Variants in GPHN observed in about 807,000 individuals in gnomAD.
The protein encoded by GPHN is gephyrin.
A neutral mutation model predicts 95.5 loss-of-function variants in GPHN; 17 were observed. That is an observed-to-expected ratio of 0.18 (90% CI 0.12 to 0.27). The LOEUF (loss-of-function observed/expected upper bound fraction) is 0.27, where lower values mean the gene tolerates loss of function less well. Ranked by LOEUF, GPHN falls within the 10% of genes least tolerant of loss-of-function variation. GPHN has a pLI of 1.00. For synonymous variants in GPHN, 320 were observed against 322.5 expected, an observed-to-expected ratio of 0.99 and a Z score of 0.08; for missense variants, 660 against 978.1, an observed-to-expected ratio of 0.67 and a Z score of 4.34.
At chr14:67,220,717 A>G in the GPHN span, among the ~76,000 whole-genome samples, 1 of 151,994 alleles carries the variant, frequency 6.6e-6, no homozygotes, top group Non-Finnish European at 1.5e-5. Context: ...ATTTGCATCT[A>G]TTTTTCAAGG....
At chr14:67,621,306 TA>T in the GPHN span, among the ~76,000 whole-genome samples, 1 of 152,188 alleles carries the variant, frequency 6.6e-6, no homozygotes, top group Non-Finnish European at 1.5e-5. Context: ...TTGAGATGCT[TA>T]TGATTTATCA....
At chr14:67,547,414 A>G in the GPHN span, among the ~76,000 whole-genome samples, 1 of 152,248 alleles carries the variant, frequency 6.6e-6, no homozygotes, top group South Asian at 2.1e-4. Flanking sequence ...TTTCCCTAGC[A>G]GAGCCAAGAC....
intron 9 of GPHN, 47 bp downstream of exon 9, chr14:66,965,372 C>T (rs751163710): frequency 3.3e-5 from 51 of 1,546,156 alleles, no homozygotes; most frequent in Non-Finnish European, 3.1e-5. Context: ...CTATAGTAAT[C>T]TGGGAAAACT....
chr14:67,260,614 G>A, the GPHN span, among the ~76,000 whole-genome samples: 1 of 152,098 alleles, frequency 6.6e-6, no homozygotes, highest in Non-Finnish European at 1.5e-5. Context: ...GATACTTGAT[G>A]GAAGAGGAAA....
At chr14:66,652,740 G>C (rs1025438909) in intron 1 of GPHN, among the ~76,000 whole-genome samples, 1 of 152,116 alleles carries the variant, frequency 6.6e-6, no homozygotes, top group Admixed American at 6.5e-5. Context: ...TCATGCAGGG[G>C]CCTTGTGAGC....
At position 67,144,248 on chromosome 14, in the gene GPHN, AAAATATATAT is replaced by A. The variant is rs1162858411; in HGVS notation, c.1836+801_1836+810del. 2.6e-3 allele frequency among the ~76,000 whole-genome samples: 164 copies of A among 62,594 alleles called. 10 individuals carry two copies. The highest frequency in any genetic ancestry group is 0.011 in the African/African-American group (144 of 12,676). 41.1% of individuals were successfully genotyped at this position (62,594 alleles called of 152,430 possible). A position where few individuals can be genotyped will look rare whatever the true frequency, so the allele number is the denominator to read the frequency against. Reference sequence around the variant, plus strand: ...CAAGACCCTGTCTTAAAAAAAAAAAAAAATATATATATATATATATATATATATATATATA... The same window carrying A: ...CAAGACCCTGTCTTAAAAAAAAAAAAATATATATATATATATATATATATA... On this transcript the variant is annotated intron_variant, in intron 18 of 22. Transcript: ENST00000478722.
the GPHN span, among the ~76,000 whole-genome samples, chr14:67,444,202 G>A: frequency 9.9e-5 from 15 of 152,218 alleles, no homozygotes; most frequent in East Asian, 2.5e-3. Context: ...GCTGTGCCCC[G>A]ACCACCTTGA....
chr14:66,672,682 T>A (rs1484057604), intron 1 of GPHN, among the ~76,000 whole-genome samples: 1 of 152,356 alleles, frequency 6.6e-6, no homozygotes, highest in South Asian at 2.1e-4. Context: ...CTGAAAACTT[T>A]TCTTGCTTTG....
intron 9 of GPHN, among the ~76,000 whole-genome samples, chr14:67,008,181 G>C (rs377440848): frequency 6.6e-6 from 1 of 152,240 alleles, no homozygotes; most frequent in Non-Finnish European, 1.5e-5. Flanking sequence ...TCGACCAGGC[G>C]TGGTGGCTCA....
chr14:66,913,336 TTTTTG>T (rs1159749295), intron 5 of GPHN, among the ~76,000 whole-genome samples: 2 of 151,912 alleles, frequency 1.3e-5, no homozygotes, highest in Non-Finnish European at 2.9e-5. Context: ...TTCTTTTTGA[TTTTTG>T]TTTTGTTTTG....
chr14:66,683,204 C>T (rs143711261), intron 2 of GPHN, among the ~76,000 whole-genome samples: 2,540 of 150,022 alleles, frequency 0.017, 23 homozygotes, highest in Non-Finnish European at 0.026. Context: ...GCCTGCTTGG[C>T]TTTCTAAGGA....
At chr14:66,647,269 G>T (rs1332450566) in intron 1 of GPHN, among the ~76,000 whole-genome samples, 1 of 148,734 alleles carries the variant, frequency 6.7e-6, no homozygotes, top group Non-Finnish European at 1.5e-5. Context: ...ACATAAATCA[G>T]ATCATGCCAA....
chr14:66,521,192 A>C (rs1282963472), intron 1 of GPHN, among the ~76,000 whole-genome samples: 7 of 152,124 alleles, frequency 4.6e-5, no homozygotes, highest in Non-Finnish European at 8.8e-5. Context: ...TTTATGGTAG[A>C]ATGATTTCTA....
the GPHN span, among the ~76,000 whole-genome samples, chr14:67,300,681 T>A: frequency 2.0e-5 from 3 of 152,044 alleles, no homozygotes; most frequent in African/African-American, 7.3e-5. Flanking sequence ...GTAGGTGCCA[T>A]TCTAAAGATA....
chr14:67,313,352 A>G, the GPHN span, among the ~76,000 whole-genome samples: 1 of 152,236 alleles, frequency 6.6e-6, no homozygotes, highest in African/African-American at 2.4e-5. Context: ...TTGTGCAAAC[A>G]TCACTGAGTG....
chr14:66,630,129 T>A (rs7140649), intron 1 of GPHN, among the ~76,000 whole-genome samples: 47,239 of 152,008 alleles, frequency 0.31, 11,187 homozygotes, highest in African/African-American at 0.64. Flanking sequence ...GATGACAATA[T>A]GAAGATCTAA....
chr14:66,572,092 C>G (rs1357322539), intron 1 of GPHN, among the ~76,000 whole-genome samples: 2 of 152,050 alleles, frequency 1.3e-5, no homozygotes, highest in Non-Finnish European at 2.9e-5. Context: ...TTTCTGGTCT[C>G]TCTTCTATTC....
the GPHN span, among the ~76,000 whole-genome samples, chr14:67,231,576 C>T: frequency 1.5e-4 from 22 of 151,672 alleles, no homozygotes; most frequent in Admixed American, 8.5e-4. Flanking sequence ...TCCAGCCTGA[C>T]GTAAATATTC....
chr14:67,352,747 G>C, the GPHN span: 1 of 540,600 alleles, frequency 1.8e-6, no homozygotes, highest in Non-Finnish European at 3.2e-6. Context: ...CAAGATTAAA[G>C]AGTTTGGATT....
Sources: gnomAD v4.1 joint callset for allele counts (sites outside exome capture counted in the v4.1 genomes callset) on GRCh38, gnomAD v4.1.1 for gene constraint, MANE v1.5 for transcripts, NCBI Gene and HGNC (gene_info 2026-07-23, HGNC 2026-07-21) for gene names.